The following IL17B variants were observed in gnomAD, a reference collection of about 807,000 sequenced individuals.
The protein encoded by IL17B is interleukin-17B.
A neutral mutation model predicts 14.7 loss-of-function variants in IL17B; 14 were observed. The ratio of observed to expected loss-of-function variants is 0.95; its 90% CI spans 0.63 to 1.49. The LOEUF (loss-of-function observed/expected upper bound fraction) is 1.49. Ranked by LOEUF, IL17B falls within the 40% of genes most tolerant of loss-of-function variation. The pLI, the probability that IL17B is intolerant of heterozygous loss-of-function variation, is 0.00. For missense variants in IL17B, 233 were observed against 252.8 expected (o/e 0.92, Z 0.53); for synonymous variants, 105 against 94.8 (o/e 1.11, Z -0.62).
Position 149,387,966 on chromosome 5 carries a change from C to T in IL17B, n.96-10941G>A, listed in dbSNP as rs548210205. Among the ~76,000 whole-genome samples, 83 of 152,286 alleles carry T rather than the reference C, an allele frequency of 5.5e-4. 1 individual carries two copies. The highest frequency in any genetic ancestry group is 4.1e-3 in the South Asian group (20 of 4,822). ...GAGGTCCCTTTAACCATCAGCTACCCTAACCTTTGCCCCAGCTTAGGGAAA... is the reference window on the plus strand; with the variant it reads ...GAGGTCCCTTTAACCATCAGCTACCTTAACCTTTGCCCCAGCTTAGGGAAA... On this transcript the variant is annotated intron_variant and non_coding_transcript_variant, in intron 1 of 2. Transcript: ENST00000505432.
At chr5:149,375,269 G>A (rs927978214) in intron 2 of IL17B, among the ~76,000 whole-genome samples, 1 of 152,236 alleles carries the variant, frequency 6.6e-6, no homozygotes, top group East Asian at 1.9e-4. Context: ...TTCCCTCCTG[G>A]TGCTCTCAGG....
intron 1 of IL17B, among the ~76,000 whole-genome samples, chr5:149,377,370 C>T (rs1272888580): frequency 3.9e-5 from 6 of 152,220 alleles, no homozygotes; most frequent in Non-Finnish European, 8.8e-5. Flanking sequence ...TCTGGACTTT[C>T]TTGGGCTCTC....
At chr5:149,377,575 C>T (rs568019686) in intron 1 of IL17B, among the ~76,000 whole-genome samples, 3 of 152,314 alleles carry the variant, frequency 2.0e-5, no homozygotes, top group African/African-American at 7.2e-5. Flanking sequence ...CATCGCTGCC[C>T]TTCTGTCATT....
intron 1 of IL17B, among the ~76,000 whole-genome samples, chr5:149,389,514 A>G (rs986810041): frequency 6.6e-6 from 1 of 152,274 alleles, no homozygotes; most frequent in African/African-American, 2.4e-5. Flanking sequence ...ATAGAGTGTC[A>G]CACAGCAATT....
chr5:149,379,556 C>T (rs906812138), upstream of IL17B, among the ~76,000 whole-genome samples: 3 of 152,256 alleles, frequency 2.0e-5, no homozygotes, highest in African/African-American at 7.2e-5. Flanking sequence ...GCCGCCCAGC[C>T]AGCACCCACA....
chr5:149,388,286 G>A (rs536120978), intron 1 of IL17B, among the ~76,000 whole-genome samples: 1 of 152,284 alleles, frequency 6.6e-6, no homozygotes, highest in Admixed American at 6.5e-5. Flanking sequence ...GCCATCACAT[G>A]GCTATGTTCA....
chr5:149,374,746 C>T lies in IL17B; in HGVS notation c.312-146G>A, dbSNP rs1758478364. On this transcript the variant is annotated intron_variant, in intron 2 of 2. Transcript: ENST00000261796. This position sits in a 1 kb window ranked among gnomAD's most constrained non-coding sequence, Gnocchi z 5.0. ...GGGCTGGAGGAAAGGCAGTAATCAA[C>T]TCCATGTTCCACGTGAGGAAACTGA... 1 of 619,180 alleles carries T rather than the reference C, an allele frequency of 1.6e-6. No individual in the cohort carries two copies. Among genetic ancestry groups the T allele is most frequent in the African/African-American group, 1.8e-5 (1 of 54,610 alleles). The allele number at this position is 619,180 out of a possible 1,614,324, so 38.4% of individuals were successfully genotyped here.
upstream of IL17B, among the ~76,000 whole-genome samples, chr5:149,382,022 A>G (rs920497144): frequency 2.2e-4 from 34 of 152,310 alleles, no homozygotes; most frequent in African/African-American, 7.9e-4. Flanking sequence ...AGCCCTCTGC[A>G]GCAGGCCCCG....
chr5:149,390,615 AC>A (rs1758925352), intron 1 of IL17B, among the ~76,000 whole-genome samples: 1 of 144,446 alleles, frequency 6.9e-6, no homozygotes, highest in Non-Finnish European at 1.5e-5. Flanking sequence ...ACACACACAC[AC>A]ACACACACAC....
exon 1 of IL17B, chr5:149,404,121 G>C (rs114693302): frequency 1.3e-5 from 2 of 152,338 alleles, no homozygotes; most frequent in Non-Finnish European, 2.9e-5. Context: ...GCCGCAGTCT[G>C]TCGACCTGTT....
chr5:149,383,882 G>A (rs1372868234), upstream of IL17B, among the ~76,000 whole-genome samples: 1 of 152,224 alleles, frequency 6.6e-6, no homozygotes, highest in Non-Finnish European at 1.5e-5. Context: ...TTGTTCACTG[G>A]AGACTGGGTC....
intron 1 of IL17B, among the ~76,000 whole-genome samples, chr5:149,389,941 G>A (rs768472135): frequency 6.6e-6 from 1 of 152,184 alleles, no homozygotes; most frequent in Non-Finnish European, 1.5e-5. Context: ...CGGGAGACAT[G>A]GGCAGGGGTT....
chr5:149,377,728 CTT>C (rs1488902856), intron 1 of IL17B, among the ~76,000 whole-genome samples: 3 of 147,586 alleles, frequency 2.0e-5, no homozygotes, highest in Admixed American at 6.7e-5. Context: ...GCCTGGGAAA[CTT>C]TTCTGGGGAA....
At chr5:149,380,940 G>C (rs1159972728), upstream of IL17B, among the ~76,000 whole-genome samples, 1 of 152,206 alleles carries the variant, frequency 6.6e-6, no homozygotes, top group Admixed American at 6.5e-5. Context: ...AGAGGGAGGG[G>C]TACTCTGAAA....
chr5:149,400,681 G>A (rs998423750), intron 1 of IL17B, among the ~76,000 whole-genome samples: 4 of 152,174 alleles, frequency 2.6e-5, no homozygotes, highest in East Asian at 1.9e-4. Context: ...GAGTTATCTC[G>A]GAAATTGGCT....
At chr5:149,392,284 T>C (rs1457640005) in intron 1 of IL17B, among the ~76,000 whole-genome samples, 1 of 152,234 alleles carries the variant, frequency 6.6e-6, no homozygotes, top group East Asian at 1.9e-4. Context: ...CTATCTTGTA[T>C]TTGTGTTAAA....
At chr5:149,385,105 G>T (rs1451788276) in intron 1 of IL17B, among the ~76,000 whole-genome samples, 1 of 151,528 alleles carries the variant, frequency 6.6e-6, no homozygotes, top group Non-Finnish European at 1.5e-5. Flanking sequence ...TTAGAAACAG[G>T]GTTTCACCAT....
In IL17B at chr5:149,374,629, G is replaced by T. The variant is rs762385908; in HGVS notation, c.312-29C>A. 1 of 1,576,452 alleles carries T rather than the reference G, an allele frequency of 6.3e-7. No homozygotes were observed. Among genetic ancestry groups the T allele is most frequent in the East Asian group, 2.3e-5 (1 of 44,192 alleles). On this transcript the variant is annotated intron_variant, in intron 2 of 2. Coordinates refer to ENST00000261796, the MANE Select transcript of IL17B (RefSeq NM_014443.3). This position sits in a 1 kb window ranked among gnomAD's most constrained non-coding sequence, Gnocchi z 5.0. ...CAGGGAGCAGAAGAAAGAGCAGAGCGGAAGGTGATCAGGAAAGGGCCAGTC... is the reference window on the plus strand; with the variant it reads ...CAGGGAGCAGAAGAAAGAGCAGAGCTGAAGGTGATCAGGAAAGGGCCAGTC...
At chr5:149,389,505 T>C (rs79540766) in intron 1 of IL17B, among the ~76,000 whole-genome samples, 2,410 of 152,332 alleles carry the variant, frequency 0.016, 69 homozygotes, top group African/African-American at 0.052. Context: ...AAGAGACTGA[T>C]AGAGTGTCAC....
Sources: gnomAD v4.1 joint callset for allele counts (sites outside exome capture counted in the v4.1 genomes callset) on GRCh38, gnomAD v4.1.1 for gene constraint, Gnocchi (gnomAD v3.1) non-coding constraint, MANE v1.5 for transcripts, NCBI Gene and HGNC (gene_info 2026-07-23, HGNC 2026-07-21) for gene names.